The following ZNF292 variants were observed in gnomAD, a reference collection of about 807,000 sequenced individuals.
ZNF292 encodes the protein zinc finger protein 292.
In ZNF292, 26 loss-of-function variants were observed where a neutral mutation model predicts 217.9. That is an observed-to-expected ratio of 0.12 (90% CI 0.09 to 0.17). The LOEUF (loss-of-function observed/expected upper bound fraction) is 0.17, where lower values mean the gene tolerates loss of function less well. ZNF292 is among the 10% of genes least tolerant of loss of function. The probability of loss-of-function intolerance (pLI) is 1.00; values close to 1 mark genes in which losing one functional copy is unlikely to be tolerated. For missense variants in ZNF292, 2,904 were observed against 3,175.2 expected (o/e 0.91, Z 2.05); for synonymous variants, 1,257 against 1,124.1 (o/e 1.12, Z -2.37).
At chr6:87,187,552 T>C (rs979658934) in intron 1 of ZNF292, among the ~76,000 whole-genome samples, 1 of 151,860 alleles carries the variant, frequency 6.6e-6, no homozygotes, top group Non-Finnish European at 1.5e-5. Flanking sequence ...AACCCATCTC[T>C]ACTAAAAATA....
rs925858076 is a variant in ZNF292, at chr6:87,264,948, G to A, written c.*3147G>A. On this transcript the variant is annotated 3_prime_UTR_variant, in exon 8 of 8. Transcript: ENST00000369577. ...GCCAGAAGAAAGGCTAACGAAGTTG[G>A]GGAAGAGACTAATGGATAAGAGAGA... Among the ~76,000 whole-genome samples, 2 of 152,140 alleles carry A rather than the reference G, an allele frequency of 1.3e-5. No individual in the cohort carries two copies. Among genetic ancestry groups the A allele is most frequent in the African/African-American group, 4.8e-5 (2 of 41,432 alleles).
intron 4 of ZNF292, among the ~76,000 whole-genome samples, chr6:87,227,978 C>T (rs1235777661): frequency 2.0e-5 from 3 of 152,152 alleles, no homozygotes; most frequent in Admixed American, 6.5e-5. Flanking sequence ...ATAGCTGGAT[C>T]GTATGGTAGC....
At chr6:87,243,089 A>G (rs1774385426) in intron 5 of ZNF292, among the ~76,000 whole-genome samples, 1 of 151,958 alleles carries the variant, frequency 6.6e-6, no homozygotes, top group Non-Finnish European at 1.5e-5. Flanking sequence ...AAATCAGTGG[A>G]TAAAAGGGGA....
At chr6:87,207,983 A>G (rs1028495158) in intron 1 of ZNF292, among the ~76,000 whole-genome samples, 4 of 152,110 alleles carry the variant, frequency 2.6e-5, no homozygotes, top group African/African-American at 9.7e-5. Context: ...TTCTTTCTTC[A>G]GTAACATCCT....
intron 1 of ZNF292, 129 bp downstream of exon 1, chr6:87,155,888 G>C: frequency 5.9e-6 from 7 of 1,195,624 alleles, no homozygotes; most frequent in Non-Finnish European, 7.9e-6. Flanking sequence ...GGGTGGGAGC[G>C]GGAGTAGAAG....
chr6:87,187,714 CAAAAAAAA>C (rs10687268), intron 1 of ZNF292, among the ~76,000 whole-genome samples: 9 of 96,664 alleles, frequency 9.3e-5, no homozygotes, highest in Non-Finnish European at 1.2e-4. Context: ...GACTCTGCCT[CAAAAAAAA>C]AAAAAAAAAA....
At chr6:87,226,508 A>G (rs1011604278) in intron 4 of ZNF292, among the ~76,000 whole-genome samples, 4 of 151,354 alleles carry the variant, frequency 2.6e-5, no homozygotes, top group Non-Finnish European at 5.9e-5. Context: ...CTACTATTTT[A>G]TAATTAAATA....
intron 1 of ZNF292, among the ~76,000 whole-genome samples, chr6:87,183,546 A>C (rs1771535900): frequency 6.6e-6 from 1 of 152,178 alleles, no homozygotes; most frequent in Admixed American, 6.5e-5. Context: ...AAAGGATTGA[A>C]ATTCCATTAA....
At chr6:87,187,237 T>G (rs1771692596) in intron 1 of ZNF292, among the ~76,000 whole-genome samples, 1 of 152,192 alleles carries the variant, frequency 6.6e-6, no homozygotes, top group Admixed American at 6.5e-5. Flanking sequence ...AGGTCAATCA[T>G]GATAAATATC....
chr6:87,159,933 A>G (rs1433882473), intron 1 of ZNF292, among the ~76,000 whole-genome samples: 1 of 152,242 alleles, frequency 6.6e-6, no homozygotes, highest in African/African-American at 2.4e-5. Flanking sequence ...TAGAATAACC[A>G]GAAGTAATTT....
At chr6:87,239,592 C>A (rs1346763032) in intron 5 of ZNF292, among the ~76,000 whole-genome samples, 1 of 146,476 alleles carries the variant, frequency 6.8e-6, no homozygotes. Context: ...ACTTCCCAGA[C>A]GGGGCGGCTG....
chr6:87,235,180 A>G (rs1173704463), intron 5 of ZNF292, among the ~76,000 whole-genome samples: 1 of 152,216 alleles, frequency 6.6e-6, no homozygotes, highest in Non-Finnish European at 1.5e-5. Context: ...TTAGTTCCAA[A>G]TAACTAGATA....
At chr6:87,228,380 T>A (rs1166314923) in intron 4 of ZNF292, among the ~76,000 whole-genome samples, 1 of 152,220 alleles carries the variant, frequency 6.6e-6, no homozygotes, top group Non-Finnish European at 1.5e-5. Context: ...CTTTTCACTC[T>A]GGTGAAAAGG....
At chr6:87,186,338 A>G (rs1404606522) in intron 1 of ZNF292, among the ~76,000 whole-genome samples, 1 of 152,232 alleles carries the variant, frequency 6.6e-6, no homozygotes, top group African/African-American at 2.4e-5. Flanking sequence ...AGGAAAGACC[A>G]CTGTCAAATT....
intron 1 of ZNF292, among the ~76,000 whole-genome samples, chr6:87,166,521 C>T (rs557822196): frequency 2.0e-5 from 3 of 152,300 alleles, no homozygotes; most frequent in Non-Finnish European, 4.4e-5. Flanking sequence ...ACATCATAAA[C>T]AAGTAGTTTT....
intron 1 of ZNF292, among the ~76,000 whole-genome samples, chr6:87,207,660 G>A (rs1772302470): frequency 2.6e-5 from 4 of 152,102 alleles, no homozygotes; most frequent in Admixed American, 2.0e-4. Flanking sequence ...GGTGAGTCCA[G>A]TTTCTCCAGA....
At position 87,261,864 on chromosome 6, in the gene ZNF292, G is replaced by T; in HGVS notation, c.*63G>T. The T allele has an allele frequency of 8.7e-7, 1 of 1,154,322 alleles. No homozygotes were observed. The highest frequency in any genetic ancestry group is 1.2e-6 in the Non-Finnish European group (1 of 854,102). The allele number at this position is 1,154,322 out of a possible 1,614,324, so 71.5% of individuals were successfully genotyped here. ...TTTTAAATAGGAAGCCATCAAGCATGCTAGAATTGTGAAACTTTCATTATA... is the reference window on the plus strand; with the variant it reads ...TTTTAAATAGGAAGCCATCAAGCATTCTAGAATTGTGAAACTTTCATTATA... On this transcript the variant is annotated 3_prime_UTR_variant, in exon 8 of 8. Coordinates refer to ENST00000369577, the MANE Select transcript of ZNF292 (RefSeq NM_015021.3).
intron 5 of ZNF292, among the ~76,000 whole-genome samples, chr6:87,241,826 C>G (rs1774302706): frequency 6.6e-6 from 1 of 152,212 alleles, no homozygotes; most frequent in South Asian, 2.1e-4. Context: ...GTTCAGCTTA[C>G]TATTTTTCAG....
chr6:87,235,968 T>TAGAGA (rs1419591778), intron 5 of ZNF292, among the ~76,000 whole-genome samples: 1 of 152,202 alleles, frequency 6.6e-6, no homozygotes, highest in East Asian at 1.9e-4. Flanking sequence ...CAACATTACT[T>TAGAGA]TGTTAAAAGT....
Sources: gnomAD v4.1 joint callset for allele counts (sites outside exome capture counted in the v4.1 genomes callset) on GRCh38, gnomAD v4.1.1 for gene constraint, MANE v1.5 for transcripts, NCBI Gene and HGNC (gene_info 2026-07-23, HGNC 2026-07-21) for gene names.